The following NKAIN2 variants were observed in gnomAD, a reference collection of about 807,000 sequenced individuals.
NKAIN2 encodes the protein sodium/potassium-transporting ATPase subunit beta-1-interacting protein 2.
NKAIN2 carries 14 observed loss-of-function variants against 32.6 expected under a neutral mutation model. The observed-to-expected ratio is 0.43, with a 90% CI of 0.28 to 0.67. The LOEUF (loss-of-function observed/expected upper bound fraction) is 0.67, where lower values mean the gene tolerates loss of function less well. Ranked by LOEUF, NKAIN2 falls within the 30% of genes least tolerant of loss-of-function variation. The pLI, the probability that NKAIN2 is intolerant of heterozygous loss-of-function variation, is 0.17. For missense variants in NKAIN2, 198 were observed against 258.3 expected (o/e 0.77, Z 1.60); for synonymous variants, 80 against 87.2 (o/e 0.92, Z 0.46).
intron 1 of NKAIN2, among the ~76,000 whole-genome samples, chr6:124,086,376 C>A (rs564753025): frequency 6.6e-6 from 1 of 151,960 alleles, no homozygotes; most frequent in East Asian, 1.9e-4. Flanking sequence ...TTTTGAGAAA[C>A]CAGTAATATC....
intron 1 of NKAIN2, among the ~76,000 whole-genome samples, chr6:123,827,741 G>A (rs1297586919): frequency 6.6e-6 from 1 of 151,902 alleles, no homozygotes; most frequent in Non-Finnish European, 1.5e-5. Flanking sequence ...TTCAAATTTT[G>A]AAAAGGTGTA....
At chr6:124,448,586 A>G (rs1347508198) in intron 3 of NKAIN2, among the ~76,000 whole-genome samples, 1 of 152,102 alleles carries the variant, frequency 6.6e-6, no homozygotes, top group African/African-American at 2.4e-5. Context: ...GCCTGTTGTG[A>G]ACTTTGGTTA....
At chr6:123,951,245 G>T (rs532434398) in intron 1 of NKAIN2, among the ~76,000 whole-genome samples, 1 of 152,060 alleles carries the variant, frequency 6.6e-6, no homozygotes, top group East Asian at 1.9e-4. Context: ...GCTGTTGGGT[G>T]AAATGTTCTG....
intron 1 of NKAIN2, among the ~76,000 whole-genome samples, chr6:124,233,519 G>T (rs1792571425): frequency 6.6e-6 from 1 of 152,124 alleles, no homozygotes; most frequent in South Asian, 2.1e-4. Context: ...GCTTTGGAAG[G>T]GAGCTGGGAT....
In NKAIN2 at chr6:124,285,407, T is replaced by C. The variant is rs117427607; in HGVS notation, c.192+2265T>C. ...AATCCCCTTAACCAGACCCATAAAC[T>C]CATAGGCATATTTTCTATCTTTCCA... On this transcript the variant is annotated intron_variant, in intron 2 of 6. Transcript: ENST00000368417. Among the ~76,000 whole-genome samples, 187 of 152,186 alleles carry C rather than the reference T, an allele frequency of 1.2e-3. 1 individual carries two copies. The East Asian group carries it at 0.024, about 19-fold the overall frequency.
At chr6:124,596,661 AGGGT>A (rs879368016) in intron 3 of NKAIN2, among the ~76,000 whole-genome samples, 278 of 82,954 alleles carry the variant, frequency 3.4e-3, no homozygotes, top group African/African-American at 0.011. Context: ...AATAAACCAT[AGGGT>A]GTGTGTGTGT....
At chr6:124,743,735 G>A (rs1195173634) in intron 4 of NKAIN2, among the ~76,000 whole-genome samples, 3 of 151,808 alleles carry the variant, frequency 2.0e-5, no homozygotes, top group Admixed American at 2.0e-4. Context: ...TTGTTGGTAA[G>A]TTCACTGCTC....
intron 1 of NKAIN2, among the ~76,000 whole-genome samples, chr6:124,252,257 T>C (rs552056307): frequency 6.6e-6 from 1 of 152,110 alleles, no homozygotes; most frequent in South Asian, 2.1e-4. Flanking sequence ...TACAGGTAAA[T>C]GTATCATACC....
chr6:124,450,399 C>A (rs550639391), intron 3 of NKAIN2, among the ~76,000 whole-genome samples: 1 of 152,046 alleles, frequency 6.6e-6, no homozygotes, highest in East Asian at 1.9e-4. Flanking sequence ...AATCTGAAAA[C>A]TCCCTTCTTA....
At chr6:124,645,766 A>C (rs1435073018) in intron 3 of NKAIN2, among the ~76,000 whole-genome samples, 1 of 152,220 alleles carries the variant, frequency 6.6e-6, no homozygotes, top group African/African-American at 2.4e-5. Flanking sequence ...AAGAATAAAC[A>C]TAATAGAAAA....
rs189903754 is a variant in NKAIN2 at position 124,052,008 on chromosome 6, A to C, written c.55-230997A>C. On this transcript the variant is annotated intron_variant, in intron 1 of 6. Coordinates refer to ENST00000368417, the MANE Select transcript of NKAIN2 (RefSeq NM_001040214.3). ...GGGCCAAGAAGCAGACTCCTGGACT[A>C]GGTGGTAGGTTATAGTCCATTTCTC... Among the ~76,000 whole-genome samples, 23 of 152,202 alleles carry C rather than the reference A, an allele frequency of 1.5e-4. No homozygotes were observed. The East Asian group carries it at 4.5e-3, about 30-fold the overall frequency.
intron 1 of NKAIN2, among the ~76,000 whole-genome samples, chr6:123,843,164 G>A (rs1029934698): frequency 2.6e-5 from 4 of 152,184 alleles, no homozygotes; most frequent in African/African-American, 9.6e-5. Flanking sequence ...TAAACACTCA[G>A]TGAAGACTCA....
intron 1 of NKAIN2, among the ~76,000 whole-genome samples, chr6:123,852,129 C>A (rs1775373209): frequency 6.6e-6 from 1 of 152,056 alleles, no homozygotes. Flanking sequence ...GCTTTTTGTC[C>A]AATGTTATAA....
chr6:123,830,023 T>C (rs1037492399), intron 1 of NKAIN2, among the ~76,000 whole-genome samples: 1 of 152,186 alleles, frequency 6.6e-6, no homozygotes, highest in East Asian at 1.9e-4. Flanking sequence ...ATCTTGGAAA[T>C]GAAACAACCT....
At chr6:123,869,066 G>A (rs1298925106) in intron 1 of NKAIN2, among the ~76,000 whole-genome samples, 1 of 152,170 alleles carries the variant, frequency 6.6e-6, no homozygotes, top group African/African-American at 2.4e-5. Context: ...ATCCTGAAGA[G>A]TTATTTAGTT....
chr6:124,691,408 C>T (rs574379930), intron 4 of NKAIN2, among the ~76,000 whole-genome samples: 41 of 152,246 alleles, frequency 2.7e-4, no homozygotes, highest in African/African-American at 9.4e-4. Context: ...AGTCCTCAAA[C>T]CCTGTGTTTG....
chr6:124,595,528 T>G (rs1219404790), intron 3 of NKAIN2, among the ~76,000 whole-genome samples: 1 of 152,212 alleles, frequency 6.6e-6, no homozygotes, highest in Admixed American at 6.5e-5. Flanking sequence ...AACCGCTTTA[T>G]GAGCAAGTGA....
chr6:124,040,994 G>T (rs1781846599), intron 1 of NKAIN2, among the ~76,000 whole-genome samples: 1 of 151,990 alleles, frequency 6.6e-6, no homozygotes. Flanking sequence ...ACTATTGAAG[G>T]ACTCATTCCC....
At chr6:124,502,461 T>A (rs1200446499) in intron 3 of NKAIN2, among the ~76,000 whole-genome samples, 2 of 152,188 alleles carry the variant, frequency 1.3e-5, no homozygotes, top group African/African-American at 4.8e-5. Flanking sequence ...ACACATACTT[T>A]GTGTATTTTA....
Sources: gnomAD v4.1 joint callset for allele counts (sites outside exome capture counted in the v4.1 genomes callset) on GRCh38, gnomAD v4.1.1 for gene constraint, MANE v1.5 for transcripts, NCBI Gene and HGNC (gene_info 2026-07-23, HGNC 2026-07-21) for gene names.